The following CNOT1 variants were observed in gnomAD, a reference collection of about 807,000 sequenced individuals.
CNOT1 encodes CCR4-NOT transcription complex subunit 1, also known as CCR4-associated factor 1.
CNOT1 carries 15 observed loss-of-function variants against 273.8 expected under a neutral mutation model. The observed-to-expected ratio is 0.05, with a 90% confidence interval of 0.04 to 0.08. CNOT1 has a LOEUF of 0.08. CNOT1 is among the 10% of genes least tolerant of loss of function. The probability of loss-of-function intolerance (pLI) is 1.00; values close to 1 mark genes in which losing one functional copy is unlikely to be tolerated. For synonymous variants in CNOT1, 1,022 were observed against 1,005.5 expected (o/e 1.02, Z -0.31); for missense variants, 1,644 against 2,912.2 (o/e 0.56, Z 10.02).
intron 22 of CNOT1, among the ~76,000 whole-genome samples, 184 bp from the exon 23 acceptor site, chr16:58,552,003 T>C (rs2040465798): frequency 6.6e-6 from 1 of 152,120 alleles, no homozygotes; most frequent in Non-Finnish European, 1.5e-5. Context: ...AGCGATAAAA[T>C]CTTAGTATTT....
chr16:58,606,544 T>C (rs2042683166), intron 1 of CNOT1, among the ~76,000 whole-genome samples: 1 of 152,186 alleles, frequency 6.6e-6, no homozygotes, highest in Admixed American at 6.6e-5. Flanking sequence ...GGCTCACGCC[T>C]GTAATCCCAG....
intron 4 of CNOT1, 35 bp downstream of exon 4, chr16:58,587,745 G>C: frequency 1.2e-6 from 2 of 1,601,036 alleles, no homozygotes; most frequent in Non-Finnish European, 1.7e-6. Context: ...AGCCTAAGGA[G>C]AGATCACACT....
Position 58,597,990 on chromosome 16 carries a change from G to A in CNOT1, c.102+1246C>T, listed in dbSNP as rs139895323. ...TTTAAGAAAAGCCTGGGAGCTAGGCGCAAGAGCTCACGCCTATAATCCCAG... is the reference window on the plus strand; with the variant it reads ...TTTAAGAAAAGCCTGGGAGCTAGGCACAAGAGCTCACGCCTATAATCCCAG... On this transcript the variant is annotated intron_variant, in intron 2 of 48. Coordinates refer to ENST00000317147, the MANE Select transcript of CNOT1 (RefSeq NM_016284.5). 18 of 214,360 alleles carry A rather than the reference G, an allele frequency of 8.4e-5. No individual in the cohort carries two copies. The East Asian group carries it at 2.6e-3, about 31-fold the overall frequency. 13.3% of individuals were successfully genotyped at this position (214,360 alleles called of 1,614,324 possible). A position where few individuals can be genotyped will look rare whatever the true frequency, so the allele number is the denominator to read the frequency against.
chr16:58,604,828 TAAA>T lies in CNOT1; in HGVS notation c.-174-5320_-174-5318del, dbSNP rs148121702. 3.2e-3 allele frequency among the ~76,000 whole-genome samples: 372 copies of T among 116,910 alleles called. 4 individuals carry two copies. Among genetic ancestry groups the T allele is most frequent in the South Asian group, 0.01 (39 of 3,762 alleles). 76.7% of individuals were successfully genotyped at this position (116,910 alleles called of 152,430 possible). A position where few individuals can be genotyped will look rare whatever the true frequency, so the allele number is the denominator to read the frequency against. Reference sequence around the variant, plus strand: ...AAAAAACAAAAAACAAAAAAAAAATTAAAAAAAAAAAAAAAAACCACACCAAAG... The same window carrying T: ...AAAAAACAAAAAACAAAAAAAAAATTAAAAAAAAAAAAAACCACACCAAAG... On this transcript the variant is annotated intron_variant, in intron 1 of 48. Transcript: ENST00000317147.
At position 58,581,653 on chromosome 16, in the gene CNOT1, A is replaced by C. The variant is rs112792122; in HGVS notation, c.1045-138T>G. 6 of 1,358,068 alleles carry C rather than the reference A, an allele frequency of 4.4e-6. No individual in the cohort carries two copies. The African/African-American group carries it at 7.4e-5, about 17-fold the overall frequency. 84.1% of individuals were successfully genotyped at this position (1,358,068 alleles called of 1,614,324 possible). On this transcript the variant is annotated intron_variant, in intron 10 of 48. Transcript: ENST00000317147. ...TTTTAATGTGAATTTTAAGAAACCC[A>C]TTCTTTTTTTTTCTTTTTTTTTTTT...
At chr16:58,541,404 A>G (rs2040092888) in intron 34 of CNOT1, 97 bp downstream of exon 34, 1 of 1,520,776 alleles carries the variant, frequency 6.6e-7, no homozygotes, top group African/African-American at 1.4e-5. Context: ...TCCCCTGTAA[A>G]TTATTCTCCC....
intron 2 of CNOT1, among the ~76,000 whole-genome samples, chr16:58,593,170 C>T (rs1010877368): frequency 5.3e-5 from 8 of 152,158 alleles, no homozygotes; most frequent in African/African-American, 1.9e-4. Context: ...TGCCTGTAAT[C>T]CCAACACTTT....
chr16:58,551,369 C>A, intron 23 of CNOT1, 97 bp from the exon 24 acceptor site: 1 of 1,322,668 alleles, frequency 7.6e-7, no homozygotes, highest in Non-Finnish European at 1.0e-6. Flanking sequence ...AAAAAATACA[C>A]ATGGTATGAC....
Position 58,523,427 on chromosome 16 carries a change from G to C in CNOT1, c.6860C>G (p.Thr2287Ser), listed in dbSNP as rs2039478032. 2 of 1,614,100 alleles carry C rather than the reference G, an allele frequency of 1.2e-6. No individual in the cohort carries two copies. Among genetic ancestry groups the C allele is most frequent in the Non-Finnish European group, 1.7e-6 (2 of 1,179,964 alleles). Residue 2287 changes from threonine (T) to serine (S), a missense_variant, in exon 47 of 49, where the codon ACC (threonine) becomes AGC (serine). Thr to Ser is a moderately conservative substitution (Grantham distance 58). This residue lies in a region of CNOT1 where 140 missense variants were observed against 324.6 expected (regional missense o/e 0.43). Transcript: ENST00000317147. ...PNSHTHYFSCTMLYLFAEANT... is the reference protein window; with the variant it reads ...PNSHTHYFSCSMLYLFAEANT... The stretch of plus-strand genomic sequence containing the variant: ...GGCCTCTGCAAAAAGGTACAGCATG[G>C]TGCAACTGAAGTAGTGAGTGTGGCT...
intron 22 of CNOT1, among the ~76,000 whole-genome samples, chr16:58,552,139 G>A (rs1567402120): frequency 1.3e-5 from 2 of 151,732 alleles, no homozygotes; most frequent in Non-Finnish European, 2.9e-5. Context: ...AAACTCATCT[G>A]TTTTCTAATT....
At chr16:58,532,438 T>G in intron 40 of CNOT1, 43 bp from the exon 41 acceptor site, 1 of 1,595,460 alleles carries the variant, frequency 6.3e-7, no homozygotes, top group Admixed American at 1.7e-5. Flanking sequence ...ATTCAGATAA[T>G]CCACTCACCA....
At chr16:58,548,171 A>T (rs1164348904) in intron 25 of CNOT1, among the ~76,000 whole-genome samples, 3 of 152,250 alleles carry the variant, frequency 2.0e-5, no homozygotes, top group Non-Finnish European at 4.4e-5. Flanking sequence ...GGTCATTAAC[A>T]AATCTCTGCA....
intron 2 of CNOT1, among the ~76,000 whole-genome samples, chr16:58,590,548 T>C (rs2042016667): frequency 6.6e-6 from 1 of 151,958 alleles, no homozygotes; most frequent in African/African-American, 2.4e-5. Flanking sequence ...TGAGCAGAGA[T>C]TGCACCACTG....
At chr16:58,566,961 T>C (rs1049721390) in intron 16 of CNOT1, among the ~76,000 whole-genome samples, 4 of 152,060 alleles carry the variant, frequency 2.6e-5, no homozygotes, top group African/African-American at 9.7e-5. Flanking sequence ...CTACTAGGTA[T>C]TAGAGGCACG....
At chr16:58,557,092 G>A (rs2040656388) in intron 18 of CNOT1, 99 bp from the exon 19 acceptor site, 2 of 1,411,852 alleles carry the variant, frequency 1.4e-6, no homozygotes, top group Non-Finnish European at 1.9e-6. Context: ...TTAAAATAAA[G>A]TCATAGTAAC....
intron 7 of CNOT1, 66 bp from the exon 8 acceptor site, chr16:58,585,572 C>T (rs961094440): frequency 3.9e-6 from 6 of 1,539,442 alleles, no homozygotes; most frequent in Non-Finnish European, 5.2e-6. Context: ...TTTGCTCTAT[C>T]CAAAATCCCC....
Position 58,532,044 on chromosome 16 carries a change from C to T in CNOT1, c.6091G>A (p.Ala2031Thr). 1 of 1,614,112 alleles carries T rather than the reference C, an allele frequency of 6.2e-7. No homozygotes were observed. The change falls in exon 42 of 49, where the codon GCT (alanine) becomes ACT (threonine). Residue 2031 changes from alanine (A) to threonine (T), a missense_variant. Coordinates refer to ENST00000317147, the MANE Select transcript of CNOT1 (RefSeq NM_016284.5). ...AGCCAGGCATATACAAAGCCAGGAGCTTTGGTAGGCCTCAAGATGTGGAAT... is the reference window on the plus strand; with the variant it reads ...AGCCAGGCATATACAAAGCCAGGAGTTTTGGTAGGCCTCAAGATGTGGAAT... ...NTFHILRPTK[A>T]PGFVYAWLEL...
At chr16:58,562,256 T>TGG (rs1396171655) in intron 16 of CNOT1, among the ~76,000 whole-genome samples, 1 of 146,890 alleles carries the variant, frequency 6.8e-6, no homozygotes, top group Non-Finnish European at 1.5e-5. Flanking sequence ...CCCAGCACTT[T>TGG]GGGAGGGAGG....
chr16:58,625,755 G>A (rs945874790), intron 1 of CNOT1, among the ~76,000 whole-genome samples: 16 of 151,528 alleles, frequency 1.1e-4, no homozygotes, highest in Non-Finnish European at 2.4e-4. Flanking sequence ...GCTACTCAGG[G>A]GCTGAGGTGA....
Sources: allele counts gnomAD v4.1 joint callset (sites outside exome capture counted in the v4.1 genomes callset), GRCh38; gene constraint gnomAD v4.1.1; regional missense constraint gnomAD v4.1.1; transcripts MANE v1.5; gene names NCBI Gene and HGNC (gene_info 2026-07-23, HGNC 2026-07-21).